EML6: variants seen among roughly 807,000 people sequenced by gnomAD.
The protein encoded by EML6 is EMAP like 6, also known as echinoderm microtubule-associated protein-like 6.
In EML6, 154 loss-of-function variants were observed where a neutral mutation model predicts 240.1. The ratio of observed to expected loss-of-function variants is 0.64; its 90% CI spans 0.56 to 0.73. The LOEUF (loss-of-function observed/expected upper bound fraction) is 0.73. Ranked by LOEUF, EML6 falls within the 30% of genes least tolerant of loss-of-function variation. The probability of loss-of-function intolerance (pLI) is 0.00; values close to 1 mark genes in which losing one functional copy is unlikely to be tolerated. For missense variants in EML6, 2,964 were observed against 2,474.6 expected, an observed-to-expected ratio of 1.20 and a Z score of -4.20; for synonymous variants, 1,148 against 899.0, an observed-to-expected ratio of 1.28 and a Z score of -4.95.
chr2:54,836,031 T>C (rs1669122923), intron 7 of EML6, among the ~76,000 whole-genome samples: 1 of 152,246 alleles, frequency 6.6e-6, no homozygotes, highest in East Asian at 1.9e-4. Context: ...CTGTCACCGC[T>C]CTCCCTGTGT....
At chr2:54,833,352 T>C (rs1355139143) in intron 7 of EML6, among the ~76,000 whole-genome samples, 1 of 152,202 alleles carries the variant, frequency 6.6e-6, no homozygotes, top group Non-Finnish European at 1.5e-5. Flanking sequence ...CATCTTCTAA[T>C]AACTATTAAC....
At chr2:54,864,016 T>A (rs1670829375) in intron 13 of EML6, 127 bp downstream of exon 13, 1 of 584,956 alleles carries the variant, frequency 1.7e-6, no homozygotes, top group Non-Finnish European at 3.0e-6. Context: ...AGAAAAATAG[T>A]CTACTTTGTG....
At chr2:54,915,016 C>A (rs1327669727) in intron 25 of EML6, among the ~76,000 whole-genome samples, 1 of 152,158 alleles carries the variant, frequency 6.6e-6, no homozygotes, top group Non-Finnish European at 1.5e-5. Flanking sequence ...CAGTTGCTTC[C>A]TTTGCAAAAT....
At chr2:54,860,024 T>A (rs954088210) in intron 12 of EML6, among the ~76,000 whole-genome samples, 2 of 152,170 alleles carry the variant, frequency 1.3e-5, no homozygotes, top group African/African-American at 2.4e-5. Flanking sequence ...CCATTCTCTC[T>A]GAGAGAAAGT....
chr2:54,773,900 T>TA (rs1668495311), intron 2 of EML6, among the ~76,000 whole-genome samples: 1 of 152,240 alleles, frequency 6.6e-6, no homozygotes, highest in Non-Finnish European at 1.5e-5. Flanking sequence ...GATTCAAATC[T>TA]GTTTCTGCTA....
intron 2 of EML6, among the ~76,000 whole-genome samples, chr2:54,771,392 A>G (rs1553374584): frequency 2.0e-5 from 3 of 152,224 alleles, no homozygotes; most frequent in South Asian, 2.1e-4. Context: ...ATACATTATC[A>G]TAGGTATCTT....
At chr2:54,936,986 T>C (rs1675168678) in intron 28 of EML6, among the ~76,000 whole-genome samples, 1 of 151,372 alleles carries the variant, frequency 6.6e-6, no homozygotes, top group Admixed American at 6.6e-5. Flanking sequence ...TTTTTTTTTT[T>C]TTTAAAGTCT....
intron 2 of EML6, among the ~76,000 whole-genome samples, chr2:54,733,996 G>A (rs770453519): frequency 4.6e-5 from 7 of 152,108 alleles, no homozygotes; most frequent in Non-Finnish European, 8.8e-5. Context: ...ACTGAGTTGA[G>A]GACAAGAAAA....
At chr2:54,969,422 C>T (rs568689162) in intron 41 of EML6, among the ~76,000 whole-genome samples, 1 of 152,302 alleles carries the variant, frequency 6.6e-6, no homozygotes, top group South Asian at 2.1e-4. Context: ...CACTCAAAAG[C>T]ACTGTGTATT....
chr2:54,951,918 C>T (rs1676001392), intron 30 of EML6, among the ~76,000 whole-genome samples: 1 of 152,156 alleles, frequency 6.6e-6, no homozygotes, highest in African/African-American at 2.4e-5. Flanking sequence ...GTATCTACAC[C>T]ATCATTCATC....
intron 28 of EML6, among the ~76,000 whole-genome samples, chr2:54,929,383 C>G (rs754446904): frequency 2.0e-5 from 3 of 152,138 alleles, no homozygotes; most frequent in African/African-American, 7.2e-5. Flanking sequence ...TTGTCAAACA[C>G]TTTAGCATTT....
intron 2 of EML6, among the ~76,000 whole-genome samples, chr2:54,799,092 G>A (rs1669973175): frequency 6.6e-6 from 1 of 152,048 alleles, no homozygotes; most frequent in South Asian, 2.1e-4. Flanking sequence ...ACGGAGTCTT[G>A]TTCTGTCTCC....
At chr2:54,810,361 G>T (rs548588224) in intron 2 of EML6, among the ~76,000 whole-genome samples, 1 of 152,266 alleles carries the variant, frequency 6.6e-6, no homozygotes, top group South Asian at 2.1e-4. Flanking sequence ...ACTAAGGCTC[G>T]TAAGTTATTT....
intron 7 of EML6, among the ~76,000 whole-genome samples, chr2:54,842,130 T>C (rs1669492910): frequency 6.6e-6 from 1 of 152,160 alleles, no homozygotes; most frequent in South Asian, 2.1e-4. Flanking sequence ...TGGCGTATAT[T>C]CTGTGGGTTT....
At chr2:54,886,218 T>A (rs894784463) in intron 17 of EML6, among the ~76,000 whole-genome samples, 2 of 139,942 alleles carry the variant, frequency 1.4e-5, no homozygotes, top group South Asian at 4.5e-4. Context: ...CAGGCTGGAG[T>A]GCAGTGGCGT....
At chr2:54,953,886 A>T (rs1199674988) in intron 31 of EML6, 97 bp from the exon 32 acceptor site, 18 of 137,830 alleles carry the variant, frequency 1.3e-4, no homozygotes, top group Non-Finnish European at 1.9e-4. Context: ...GACTCTGTCT[A>T]AAAAAAAAAA....
At chr2:54,923,903 A>C (rs1380275026) in intron 26 of EML6, among the ~76,000 whole-genome samples, 2 of 152,144 alleles carry the variant, frequency 1.3e-5, no homozygotes, top group East Asian at 1.9e-4. Flanking sequence ...CTTTTTATCC[A>C]GCTTCTTTCA....
At chr2:54,816,147 A>G (rs1311033296) in intron 3 of EML6, among the ~76,000 whole-genome samples, 2 of 152,188 alleles carry the variant, frequency 1.3e-5, no homozygotes, top group Non-Finnish European at 2.9e-5. Context: ...TGATTTTGGT[A>G]TGACTGTTGC....
At chr2:54,966,131 A>G (rs1558734729) in intron 38 of EML6, among the ~76,000 whole-genome samples, 1 of 152,204 alleles carries the variant, frequency 6.6e-6, no homozygotes, top group African/African-American at 2.4e-5. Flanking sequence ...AGCACTAAAC[A>G]GACAATCACA....
Sources: gnomAD v4.1 joint callset for allele counts (sites outside exome capture counted in the v4.1 genomes callset) on GRCh38, gnomAD v4.1.1 for gene constraint, MANE v1.5 for transcripts, NCBI Gene and HGNC (gene_info 2026-07-23, HGNC 2026-07-21) for gene names.